Variants in GABRA3 observed in about 807,000 individuals in gnomAD.
GABRA3 encodes the protein gamma-aminobutyric acid receptor subunit alpha-3.
GABRA3 carries 10 observed loss-of-function variants against 30.1 expected under a neutral mutation model. That is an observed-to-expected ratio of 0.33 (90% CI 0.20 to 0.56). The LOEUF (loss-of-function observed/expected upper bound fraction) is 0.56. GABRA3 is among the 20% of genes least tolerant of loss of function. The pLI, the probability that GABRA3 is intolerant of heterozygous loss-of-function variation, is 0.89. For missense variants in GABRA3, 233 were observed against 392.0 expected, an observed-to-expected ratio of 0.59 and a Z score of 3.42; for synonymous variants, 151 against 146.8, an observed-to-expected ratio of 1.03 and a Z score of -0.21.
At chrX:152,344,238 CAG>C (rs1940357634) in intron 3 of GABRA3, among the ~76,000 whole-genome samples, 1 of 111,396 alleles carries the variant, frequency 9.0e-6, no homozygotes, top group South Asian at 3.7e-4. Flanking sequence ...CAAAAGGAAA[CAG>C]AAGCCAAATG....
At chrX:152,197,850 C>T in intron 7 of GABRA3, 65 bp from the exon 8 acceptor site, 2 of 867,280 alleles carry the variant, frequency 2.3e-6, no homozygotes, top group Non-Finnish European at 3.3e-6. Flanking sequence ...AGTTGGGCCC[C>T]AATTCAATTC....
intron 3 of GABRA3, among the ~76,000 whole-genome samples, chrX:152,296,747 T>C (rs1939536016): frequency 9.2e-6 from 1 of 108,607 alleles, no homozygotes; most frequent in African/African-American, 3.4e-5. Flanking sequence ...TTGCCCAGGC[T>C]GGAATGCAGT....
At chrX:152,360,678 C>A (rs2124491676) in intron 2 of GABRA3, among the ~76,000 whole-genome samples, 1 of 72,379 alleles carries the variant, frequency 1.4e-5, no homozygotes, top group Admixed American at 1.7e-4. Flanking sequence ...GCACATGTAC[C>A]CTAAAACTTA....
intron 9 of GABRA3, among the ~76,000 whole-genome samples, chrX:152,180,428 G>C (rs1210114298): frequency 1.8e-5 from 2 of 111,818 alleles, no homozygotes; most frequent in African/African-American, 3.2e-5. Flanking sequence ...TGGGTTCCTT[G>C]TATAGTTTTT....
intron 1 of GABRA3, among the ~76,000 whole-genome samples, chrX:152,367,228 T>TA (rs901666030): frequency 9.3e-4 from 100 of 107,044 alleles, no homozygotes; most frequent in Admixed American, 1.6e-3. Context: ...GTACAGTACA[T>TA]AAAAAAAAAA....
At chrX:152,304,513 G>T (rs150428537) in intron 3 of GABRA3, among the ~76,000 whole-genome samples, 1 of 111,809 alleles carries the variant, frequency 8.9e-6, no homozygotes, top group Non-Finnish European at 1.9e-5. Context: ...TCTTCTACAC[G>T]TGGATAGCCA....
At chrX:152,238,777 G>T (rs1364635541) in intron 5 of GABRA3, among the ~76,000 whole-genome samples, 3 of 107,792 alleles carry the variant, frequency 2.8e-5, no homozygotes, top group Non-Finnish European at 5.8e-5. Context: ...TAGTTTATTT[G>T]CATAGAGGTG....
At chrX:152,413,089 C>CA (rs1954307000) in intron 1 of GABRA3, among the ~76,000 whole-genome samples, 1 of 110,608 alleles carries the variant, frequency 9.0e-6, no homozygotes, top group Admixed American at 9.6e-5. Flanking sequence ...AAGACAAAAA[C>CA]AAAAAATTTT....
chrX:152,438,912 T>C (rs1422477518), intron 1 of GABRA3, among the ~76,000 whole-genome samples: 3 of 110,574 alleles, frequency 2.7e-5, no homozygotes, highest in African/African-American at 9.9e-5. Flanking sequence ...ATGTTATACA[T>C]TGTCAAAATT....
In GABRA3 at chrX:152,320,530, C is replaced by A. The variant is rs765307013; in HGVS notation, c.262+25051G>T. Among the ~76,000 whole-genome samples, 35 of 110,858 alleles carry A rather than the reference C, an allele frequency of 3.2e-4. 1 individual carries two copies. In the Middle Eastern group the frequency reaches 0.032, roughly 102 times the overall value. On this transcript the variant is annotated intron_variant, in intron 3 of 9. Transcript: ENST00000370314. The stretch of plus-strand genomic sequence containing the variant: ...AAATGGGAGCTAAACTATGAGGATG[C>A]AAAGGTGTAAGAATGATACAATGAA...
At chrX:152,192,733 C>T (rs1937339570) in intron 8 of GABRA3, among the ~76,000 whole-genome samples, 3 of 111,386 alleles carry the variant, frequency 2.7e-5, no homozygotes, top group African/African-American at 9.8e-5. Flanking sequence ...TCAGACACTA[C>T]CACAAGGGCA....
At chrX:152,182,076 A>G (rs1170558984) in intron 9 of GABRA3, among the ~76,000 whole-genome samples, 3 of 109,150 alleles carry the variant, frequency 2.7e-5, no homozygotes, top group Non-Finnish European at 3.8e-5. Context: ...ATTAGTTGAG[A>G]GGTTTTTTAT....
At position 152,173,897 on chromosome X, in the gene GABRA3, G is replaced by A. The variant is rs766784202; in HGVS notation, c.1144-5334C>T. Among the ~76,000 whole-genome samples, 37 of 109,935 alleles carry A rather than the reference G, an allele frequency of 3.4e-4. 1 individual carries two copies. The South Asian group carries it at 0.013, about 38-fold the overall frequency. Reference sequence around the variant, plus strand: ...GTTGGTGTGCTGCACCCATTAACTCGTCATTTAGCATTAGGTATATCTCCT... The same window carrying A: ...GTTGGTGTGCTGCACCCATTAACTCATCATTTAGCATTAGGTATATCTCCT... On this transcript the variant is annotated intron_variant, in intron 9 of 9. Coordinates refer to ENST00000370314, the MANE Select transcript of GABRA3 (RefSeq NM_000808.4).
At chrX:152,271,646 G>A (rs918890493) in intron 4 of GABRA3, among the ~76,000 whole-genome samples, 1 of 112,378 alleles carries the variant, frequency 8.9e-6, no homozygotes, top group Non-Finnish European at 1.9e-5. Context: ...AATGCTAATT[G>A]CCAAGACAAT....
intron 9 of GABRA3, among the ~76,000 whole-genome samples, chrX:152,173,759 C>A (rs745547382): frequency 9.1e-6 from 1 of 110,339 alleles, no homozygotes; most frequent in Non-Finnish European, 1.9e-5. Context: ...CATGAGCCAC[C>A]GCGCCTGGCT....
intron 5 of GABRA3, among the ~76,000 whole-genome samples, chrX:152,241,697 T>G (rs1322428252): frequency 9.2e-6 from 1 of 109,062 alleles, no homozygotes; most frequent in South Asian, 4.1e-4. Flanking sequence ...GTGTGGGATA[T>G]AGTCTCGTGG....
chrX:152,328,876 AG>A (rs987312592), intron 3 of GABRA3, among the ~76,000 whole-genome samples: 2 of 111,727 alleles, frequency 1.8e-5, no homozygotes, highest in Non-Finnish European at 3.8e-5. Context: ...AAAGAAATAA[AG>A]GGTATTCAAT....
intron 1 of GABRA3, among the ~76,000 whole-genome samples, chrX:152,441,747 T>C: frequency 9.0e-6 from 1 of 110,944 alleles, no homozygotes; most frequent in Middle Eastern, 4.2e-3. Flanking sequence ...ACTAGTTGTG[T>C]ATAAATGATA....
chrX:152,200,961 A>T (rs1214223334), intron 7 of GABRA3, among the ~76,000 whole-genome samples: 1 of 111,772 alleles, frequency 8.9e-6, no homozygotes, highest in African/African-American at 3.3e-5. Flanking sequence ...GTAAGAACTG[A>T]CACCTAGGTT....
Sources: allele counts gnomAD v4.1 joint callset (sites outside exome capture counted in the v4.1 genomes callset), GRCh38; gene constraint gnomAD v4.1.1; transcripts MANE v1.5; gene names NCBI Gene and HGNC (gene_info 2026-07-23, HGNC 2026-07-21).